The following LDHAL6A variants were observed in gnomAD, a reference collection of about 807,000 sequenced individuals.
LDHAL6A encodes the protein lactate dehydrogenase A like 6A.
In LDHAL6A, 19 loss-of-function variants were observed where a neutral mutation model predicts 28.2. The ratio of observed to expected loss-of-function variants is 0.67; its 90% CI spans 0.47 to 0.99. The LOEUF (loss-of-function observed/expected upper bound fraction) is 0.99. Ranked by LOEUF, LDHAL6A falls within the 50% of genes least tolerant of loss-of-function variation. The pLI is 0.00. For synonymous variants in LDHAL6A, 144 were observed against 134.4 expected, an observed-to-expected ratio of 1.07 and a Z score of -0.49; for missense variants, 372 against 398.6, an observed-to-expected ratio of 0.93 and a Z score of 0.57.
chr11:18,475,553 G>A lies in LDHAL6A; in HGVS notation c.506G>A (p.Arg169His), dbSNP rs777824686. 20 of 1,614,050 alleles carry A rather than the reference G, an allele frequency of 1.2e-5. No individual in the cohort carries two copies. The highest frequency in any genetic ancestry group is 2.2e-5 in the East Asian group (1 of 44,870). The change falls in exon 4 of 7, where the codon CGT (arginine) becomes CAT (histidine). Residue 169 changes from arginine (R) to histidine (H), a missense_variant. Physicochemically the swap from Arg to His is conservative, Grantham distance 29. Coordinates refer to ENST00000280706, the MANE Select transcript of LDHAL6A (RefSeq NM_144972.5). ...IGSGCNLDSA[R>H]FRYFIGQRLG... ...AGTGGTTGTAATCTGGACTCTGCTC[G>A]TTTTCGTTACTTTATTGGGCAAAGG... is the stretch of plus-strand genomic sequence containing the variant.
At chr11:18,465,001 T>TTTTTTTTTTTTTTTTTTTTTTTG (rs1849025165) in intron 2 of LDHAL6A, among the ~76,000 whole-genome samples, 11 of 144,414 alleles carry the variant, frequency 7.6e-5, no homozygotes, top group African/African-American at 2.7e-4. Flanking sequence ...TGTTTTGTTT[T>TTTTTTTTTTTTTTTTTTTTTTTG]GGTTTGTTTT....
intron 2 of LDHAL6A, among the ~76,000 whole-genome samples, chr11:18,464,968 G>GTTTTTTTTTT (rs1565068644): frequency 2.9e-3 from 11 of 3,796 alleles, no homozygotes; most frequent in African/African-American, 3.6e-3. Flanking sequence ...GAGGTGAGGT[G>GTTTTTTTTTT]TTTTTTTTGT....
chr11:18,474,173 G>A (rs372024443), intron 3 of LDHAL6A, among the ~76,000 whole-genome samples: 61 of 151,750 alleles, frequency 4.0e-4, no homozygotes, highest in African/African-American at 1.4e-3. Flanking sequence ...TTCACCTCCC[G>A]GGTTCAAGCA....
chr11:18,457,095 CACAAA>C (rs1324042371), intron 1 of LDHAL6A, among the ~76,000 whole-genome samples: 1 of 152,238 alleles, frequency 6.6e-6, no homozygotes, highest in African/African-American at 2.4e-5. Flanking sequence ...AAACTCAGCT[CACAAA>C]ACAAACTGGA....
At chr11:18,464,977 G>GTTTTTTTGTTTTTTTTTTTTTT (rs1565068683) in intron 2 of LDHAL6A, among the ~76,000 whole-genome samples, 2 of 125,490 alleles carry the variant, frequency 1.6e-5, no homozygotes, top group African/African-American at 3.4e-5. Context: ...TGTTTTTTTT[G>GTTTTTTTGTTTTTTTTTTTTTT]TTTTTTTTTG....
At chr11:18,467,957 GTA>G (rs368476926) in intron 3 of LDHAL6A, among the ~76,000 whole-genome samples, 15,172 of 33,538 alleles carry the variant, frequency 0.45, 3,125 homozygotes, top group East Asian at 0.62. Context: ...ATATATATAC[GTA>G]TATATATACG....
At chr11:18,474,102 C>T (rs1336035357) in intron 3 of LDHAL6A, among the ~76,000 whole-genome samples, 3 of 152,036 alleles carry the variant, frequency 2.0e-5, no homozygotes, top group Non-Finnish European at 2.9e-5. Context: ...CTTTTTGAGA[C>T]GGAGTCTTGC....
rs1848988895 is a variant in LDHAL6A at position 18,464,088 on chromosome 11, A to T, written c.244+10A>T. 3 of 1,471,408 alleles carry T rather than the reference A, an allele frequency of 2.0e-6. No individual in the cohort carries two copies. Among genetic ancestry groups the T allele is most frequent in the Middle Eastern group, 1.7e-4 (1 of 5,788 alleles). The allele number at this position is 1,471,408 out of a possible 1,614,324, so 91.1% of individuals were successfully genotyped here. Reference sequence around the variant, plus strand: ...ATTGTCTCCAGCAAAGGTTAATGTCATAGTTAAATACTATAAATATTCTAA... The same window carrying T: ...ATTGTCTCCAGCAAAGGTTAATGTCTTAGTTAAATACTATAAATATTCTAA... On this transcript the variant is annotated intron_variant, in intron 2 of 6. Transcript: ENST00000280706.
chr11:18,465,286 C>A (rs913388030), intron 2 of LDHAL6A, among the ~76,000 whole-genome samples: 5 of 151,930 alleles, frequency 3.3e-5, no homozygotes, highest in Admixed American at 1.3e-4. Context: ...CTGTGCCTGG[C>A]TAATTTTTGT....
chr11:18,455,999 T>C lies in LDHAL6A; in HGVS notation c.-682T>C, dbSNP rs563926044. ...TGCAGTAAGGGGGCGACCCGGCGTC[T>C]GTTAGTCGGCGGTTCATCTCCTTCG... On this transcript the variant is annotated 5_prime_UTR_variant, in exon 1 of 7. Coordinates refer to ENST00000280706, the MANE Select transcript of LDHAL6A (RefSeq NM_144972.5). The C allele has an allele frequency of 5.2e-5, 8 of 152,654 alleles. No homozygotes were observed. In the East Asian group the frequency reaches 5.8e-4, roughly 11 times the overall value. 9.5% of individuals were successfully genotyped at this position (152,654 alleles called of 1,614,324 possible). A position where few individuals can be genotyped will look rare whatever the true frequency, so the allele number is the denominator to read the frequency against.
chr11:18,476,722 C>A, intron 5 of LDHAL6A: 1 of 518,020 alleles, frequency 1.9e-6, no homozygotes, highest in Non-Finnish European at 2.5e-6. Context: ...GTATTGAGCA[C>A]ATGGTAGGGG....
intron 5 of LDHAL6A, 85 bp downstream of exon 5, chr11:18,476,586 T>C (rs1380296141): frequency 1.3e-6 from 2 of 1,507,874 alleles, no homozygotes; most frequent in African/African-American, 2.8e-5. Flanking sequence ...CCCTTAAATA[T>C]ATGTTGTTGT....
intron 3 of LDHAL6A, among the ~76,000 whole-genome samples, chr11:18,466,774 A>G (rs1849085637): frequency 6.6e-6 from 1 of 152,144 alleles, no homozygotes; most frequent in Admixed American, 6.6e-5. Context: ...AAGTGAAAGT[A>G]GGGCTATAGT....
rs1849052967 is a variant in LDHAL6A, at chr11:18,465,710, C to T, written c.318C>T (p.Arg106=). The T allele has an allele frequency of 6.2e-7, 1 of 1,613,842 alleles. No homozygotes were observed. Among genetic ancestry groups the T allele is most frequent in the Non-Finnish European group, 8.5e-7 (1 of 1,179,792 alleles). The change falls in exon 3 of 7, where the codon CGC becomes CGT. Residue 106 remains arginine (R), a synonymous_variant. Coordinates refer to ENST00000280706, the MANE Select transcript of LDHAL6A (RefSeq NM_144972.5). The part of the protein sequence containing the change: ...AGARQKKGET[R]LDLVQRNVSI... ...CACGCCAGAAAAAAGGAGAAACACG[C>T]CTTGATTTAGTCCAGCGAAATGTAT...
chr11:18,456,833 G>A (rs776964688), intron 1 of LDHAL6A, 27 bp downstream of exon 1: 6 of 1,599,448 alleles, frequency 3.8e-6, no homozygotes, highest in Non-Finnish European at 5.1e-6. Flanking sequence ...GCACCACAGG[G>A]TTCACCTCAG....
At position 18,478,739 on chromosome 11, in the gene LDHAL6A, A is replaced by T. The variant is rs1849457145; in HGVS notation, c.868A>T (p.Ser290Cys). 6.2e-7 allele frequency: 1 copy of T among 1,611,638 alleles called. No individual in the cohort carries two copies. Among genetic ancestry groups the T allele is most frequent in the Non-Finnish European group, 8.5e-7 (1 of 1,178,316 alleles). Residue 290 changes from serine (S) to cysteine (C), a missense_variant, in exon 7 of 7, where the codon AGT becomes TGT. Coordinates refer to ENST00000280706, the MANE Select transcript of LDHAL6A (RefSeq NM_144972.5). ...TGGAATAAATGAAGACATATTCCTT[A>T]GTGTCCCATGTATCCTGGGAGAGAA... is the stretch of plus-strand genomic sequence containing the variant. ...LYGINEDIFL[S>C]VPCILGENGI...
chr11:18,464,644 G>A (rs1849001453), intron 2 of LDHAL6A, among the ~76,000 whole-genome samples: 2 of 152,024 alleles, frequency 1.3e-5, no homozygotes, highest in African/African-American at 4.8e-5. Context: ...GAACCTGGGA[G>A]GTGGAGGTTG....
Position 18,479,062 on chromosome 11 carries a change from T to A in LDHAL6A, c.*192T>A. ...TCTCATTCTGTCACCCAGGCTGGAG[T>A]GCAGTGGCACAATCATGGCTCACTG... On this transcript the variant is annotated 3_prime_UTR_variant, in exon 7 of 7. Coordinates refer to ENST00000280706, the MANE Select transcript of LDHAL6A (RefSeq NM_144972.5). The A allele has an allele frequency of 2.1e-6, 1 of 472,144 alleles. No individual in the cohort carries two copies. 29.2% of individuals were successfully genotyped at this position (472,144 alleles called of 1,614,324 possible).
intron 6 of LDHAL6A, 51 bp from the exon 7 acceptor site, chr11:18,478,655 T>C: frequency 7.1e-7 from 1 of 1,415,578 alleles, no homozygotes; most frequent in Non-Finnish European, 9.9e-7. Flanking sequence ...TTGTTTCTCA[T>C]ATTGCAGAAC....
Sources: allele counts gnomAD v4.1 joint callset (sites outside exome capture counted in the v4.1 genomes callset), GRCh38; gene constraint gnomAD v4.1.1; transcripts MANE v1.5; gene names NCBI Gene and HGNC (gene_info 2026-07-23, HGNC 2026-07-21).